LDLRAD4: variants seen among roughly 807,000 people sequenced by gnomAD.
The protein encoded by LDLRAD4 is low-density lipoprotein receptor class A domain-containing protein 4.
Under a neutral mutation model 17.0 loss-of-function variants are expected in LDLRAD4, and 5 were observed. That is an observed-to-expected ratio of 0.29 (90% CI 0.15 to 0.62). The LOEUF is 0.62. LDLRAD4 is among the 20% of genes least tolerant of loss of function. The pLI, the probability that LDLRAD4 is intolerant of heterozygous loss-of-function variation, is 0.84. For missense variants in LDLRAD4, 340 were observed against 424.7 expected, an observed-to-expected ratio of 0.80 and a Z score of 1.75; for synonymous variants, 168 against 171.8, an observed-to-expected ratio of 0.98 and a Z score of 0.17.
chr18:13,572,624 A>G (rs886846004), intron 3 of LDLRAD4, among the ~76,000 whole-genome samples: 2 of 152,112 alleles, frequency 1.3e-5, no homozygotes, highest in Non-Finnish European at 2.9e-5. Context: ...AGGAGAGGAG[A>G]TTTGCTTCTA....
chr18:13,312,486 C>T (rs1475187611), intron 1 of LDLRAD4, among the ~76,000 whole-genome samples: 1 of 152,166 alleles, frequency 6.6e-6, no homozygotes, highest in Admixed American at 6.5e-5. Flanking sequence ...CAGTGGCTCA[C>T]ACATCAAAAC....
intron 3 of LDLRAD4, among the ~76,000 whole-genome samples, chr18:13,616,493 G>A (rs1002777187): frequency 1.3e-5 from 2 of 152,180 alleles, no homozygotes; most frequent in South Asian, 4.1e-4. Flanking sequence ...ACTTAAAGAC[G>A]AGAAGGAGGT....
intron 4 of LDLRAD4, among the ~76,000 whole-genome samples, chr18:13,623,288 G>A (rs2040823519): frequency 1.3e-5 from 2 of 152,256 alleles, no homozygotes; most frequent in African/African-American, 4.8e-5. Context: ...CTTCAGGGCT[G>A]CACACTGCGT....
chr18:13,647,348 G>A (rs1045112945), exon 6 of LDLRAD4: 3 of 152,152 alleles, frequency 2.0e-5, no homozygotes, highest in East Asian at 1.9e-4. Flanking sequence ...CAGACACTGC[G>A]CGTGGAGAAG....
At chr18:13,592,959 T>A (rs2095047216) in intron 3 of LDLRAD4, among the ~76,000 whole-genome samples, 1 of 152,246 alleles carries the variant, frequency 6.6e-6, no homozygotes. Context: ...GAAAGTGTAT[T>A]CTTAAATTTA....
At chr18:13,414,741 G>A (rs1568119295) in intron 2 of LDLRAD4, among the ~76,000 whole-genome samples, 3 of 152,204 alleles carry the variant, frequency 2.0e-5, no homozygotes, top group Non-Finnish European at 2.9e-5. Context: ...AGCTCGAGAA[G>A]GAGAAGCCCA....
intron 3 of LDLRAD4, among the ~76,000 whole-genome samples, chr18:13,458,556 GAA>G (rs2092268542): frequency 6.6e-6 from 1 of 152,238 alleles, no homozygotes. Flanking sequence ...CTAATTGCAT[GAA>G]AGATGTGGTA....
At chr18:13,631,636 G>GCA in intron 4 of LDLRAD4, among the ~76,000 whole-genome samples, 1 of 152,256 alleles carries the variant, frequency 6.6e-6, no homozygotes, top group South Asian at 2.1e-4. Flanking sequence ...TATATTAAAA[G>GCA]GGTTATACTG....
chr18:13,450,759 G>A (rs1030331948), intron 3 of LDLRAD4, among the ~76,000 whole-genome samples: 7 of 152,168 alleles, frequency 4.6e-5, no homozygotes, highest in Non-Finnish European at 8.8e-5. Context: ...ACTAAGCCTG[G>A]GTGCTCAGGG....
At chr18:13,292,584 A>G (rs113102234) in intron 1 of LDLRAD4, among the ~76,000 whole-genome samples, 5 of 152,236 alleles carry the variant, frequency 3.3e-5, no homozygotes, top group African/African-American at 4.8e-5. Flanking sequence ...TGTCATGGAA[A>G]TGTTGAAAAC....
intron 1 of LDLRAD4, among the ~76,000 whole-genome samples, chr18:13,269,182 A>C (rs928770908): frequency 3.3e-5 from 5 of 152,184 alleles, no homozygotes; most frequent in Admixed American, 1.3e-4. Context: ...CCTTTTCTGG[A>C]AGTTTATTTT....
intron 2 of LDLRAD4, among the ~76,000 whole-genome samples, chr18:13,390,837 A>G (rs2086220298): frequency 6.6e-6 from 1 of 152,220 alleles, no homozygotes; most frequent in Non-Finnish European, 1.5e-5. Flanking sequence ...GCAGTGAAAT[A>G]AGGAGATGTG....
chr18:13,650,676 A>C (rs2043209724), exon 6 of LDLRAD4: 1 of 255,520 alleles, frequency 3.9e-6, no homozygotes, highest in East Asian at 7.2e-5. Context: ...TTATGCACAT[A>C]TCCTACCCAA....
At chr18:13,588,995 C>G (rs1186691631) in intron 3 of LDLRAD4, among the ~76,000 whole-genome samples, 2 of 146,834 alleles carry the variant, frequency 1.4e-5, no homozygotes, top group African/African-American at 5.1e-5. Context: ...GTGGCGCTAT[C>G]TTGGTTCATT....
chr18:13,475,427 ATTT>A (rs35255496), intron 3 of LDLRAD4, among the ~76,000 whole-genome samples: 3,016 of 131,102 alleles, frequency 0.023, 98 homozygotes, highest in African/African-American at 0.076. Flanking sequence ...CACCCCGCTG[ATTT>A]TTTTTTTTTT....
intron 1 of LDLRAD4, among the ~76,000 whole-genome samples, chr18:13,233,706 A>T (rs2145555994): frequency 6.6e-6 from 1 of 152,222 alleles, no homozygotes; most frequent in East Asian, 1.9e-4. Context: ...TCACAGCTGG[A>T]GAGCTTAGAG....
intron 1 of LDLRAD4, among the ~76,000 whole-genome samples, chr18:13,310,183 C>CAAAA (rs5823247): frequency 4.3e-5 from 6 of 139,164 alleles, no homozygotes; most frequent in Non-Finnish European, 7.7e-5. Flanking sequence ...CTGTCTCTAC[C>CAAAA]AAAAAAAAAA....
At chr18:13,343,588 G>A (rs1475860183) in intron 1 of LDLRAD4, among the ~76,000 whole-genome samples, 1 of 152,090 alleles carries the variant, frequency 6.6e-6, no homozygotes, top group Admixed American at 6.5e-5. Flanking sequence ...AATCCTTTGG[G>A]TATATACCCA....
chr18:13,387,567 G>A (rs367728790), exon 2 of LDLRAD4: 6 of 680,610 alleles, frequency 8.8e-6, no homozygotes, highest in Admixed American at 2.3e-5. Flanking sequence ...CCGCCCGCGC[G>A]AGAGCCGGGC....
Sources: allele counts gnomAD v4.1 joint callset (sites outside exome capture counted in the v4.1 genomes callset), GRCh38; gene constraint gnomAD v4.1.1; transcripts MANE v1.5; gene names NCBI Gene and HGNC (gene_info 2026-07-23, HGNC 2026-07-21).